The following SYTL5 variants were observed in gnomAD, a reference collection of about 807,000 sequenced individuals.
SYTL5 encodes the protein synaptotagmin like 5.
SYTL5 carries 34 observed loss-of-function variants against 55.9 expected under a neutral mutation model. That is an observed-to-expected ratio of 0.61 (90% CI 0.46 to 0.81). SYTL5 has a LOEUF of 0.81. Among genes scored for constraint, SYTL5 ranks in the 30% least tolerant of loss-of-function variants. SYTL5 has a pLI of 0.00. For missense variants in SYTL5, 637 were observed against 546.7 expected (o/e 1.17, Z -1.65); for synonymous variants, 221 against 188.7 (o/e 1.17, Z -1.40).
chrX:38,028,687 T>C (rs983796398), intron 1 of SYTL5, among the ~76,000 whole-genome samples: 18 of 112,019 alleles, frequency 1.6e-4, no homozygotes, highest in Non-Finnish European at 3.0e-4. Context: ...TTTCAGCTTT[T>C]CATGAGAGTC....
the SYTL5 span, among the ~76,000 whole-genome samples, chrX:37,958,043 T>C: frequency 9.0e-6 from 1 of 110,638 alleles, no homozygotes; most frequent in African/African-American, 3.3e-5. Context: ...ACCTCGGATC[T>C]ACTAAAAATA....
chrX:37,996,006 G>A, the SYTL5 span, among the ~76,000 whole-genome samples: 4 of 111,626 alleles, frequency 3.6e-5, no homozygotes, highest in East Asian at 8.5e-4. Flanking sequence ...CAACACTAAC[G>A]GTCACTCTGA....
At chrX:37,983,273 GTGT>G in the SYTL5 span, among the ~76,000 whole-genome samples, 1 of 112,115 alleles carries the variant, frequency 8.9e-6, no homozygotes, top group East Asian at 2.8e-4. Flanking sequence ...GATCCAACGT[GTGT>G]TGTCTATAGA....
chrX:38,044,871 T>C (rs933408033), intron 2 of SYTL5, among the ~76,000 whole-genome samples: 1 of 112,030 alleles, frequency 8.9e-6, no homozygotes, highest in African/African-American at 3.2e-5. Flanking sequence ...GATAGTTCCA[T>C]GTGGGAGACT....
chrX:37,975,539 T>A, the SYTL5 span, among the ~76,000 whole-genome samples: 1 of 111,908 alleles, frequency 8.9e-6, no homozygotes, highest in Non-Finnish European at 1.9e-5. Context: ...TGTATATTGG[T>A]TGCCATGATT....
In SYTL5 at chrX:38,127,919, C is replaced by T. The variant is rs1293411438; in HGVS notation, c.*1189C>T. 1.8e-5 allele frequency: 2 copies of T among 111,639 alleles called. No individual in the cohort carries two copies. The highest frequency in any genetic ancestry group is 3.3e-5 in the African/African-American group (1 of 30,661). 9.2% of individuals were successfully genotyped at this position (111,639 alleles called of 1,213,427 possible). A position where few individuals can be genotyped will look rare whatever the true frequency, so the allele number is the denominator to read the frequency against. On this transcript the variant is annotated 3_prime_UTR_variant, in exon 17 of 17. Transcript: ENST00000297875. ...CCCCACTGCTCGGGTACATTTTCAG[C>T]CCCTGGTTGTGTCATGTCTACTGAT... is the stretch of plus-strand genomic sequence containing the variant.
chrX:38,064,087 GTA>G (rs1555927782), intron 3 of SYTL5, among the ~76,000 whole-genome samples: 2 of 106,613 alleles, frequency 1.9e-5, no homozygotes, highest in South Asian at 4.1e-4. Flanking sequence ...GTGTGTGTGT[GTA>G]TGTGTATACT....
chrX:37,957,960 G>A, the SYTL5 span, among the ~76,000 whole-genome samples: 1 of 112,012 alleles, frequency 8.9e-6, no homozygotes, highest in Admixed American at 9.4e-5. Context: ...TGTAATCCCA[G>A]CACTTTGGGA....
chrX:38,126,491 C>T lies in SYTL5; in HGVS notation c.2051-97C>T, dbSNP rs1439381525. 3 of 893,594 alleles carry T rather than the reference C, an allele frequency of 3.4e-6. No individual in the cohort carries two copies. The African/African-American group carries it at 5.9e-5, about 18-fold the overall frequency. The allele number at this position is 893,594 out of a possible 1,213,427, so 73.6% of individuals were successfully genotyped here. ...AGTGAGAACAAGCCAGTAAAAGGTACTCTGGTGAAAAGGCCTGCTCAGAAG... is the reference window on the plus strand; with the variant it reads ...AGTGAGAACAAGCCAGTAAAAGGTATTCTGGTGAAAAGGCCTGCTCAGAAG... On this transcript the variant is annotated intron_variant, in intron 16 of 16. Transcript: ENST00000297875.
chrX:38,037,787 C>CCGA (rs1935148294), intron 2 of SYTL5, among the ~76,000 whole-genome samples: 1 of 77,401 alleles, frequency 1.3e-5, no homozygotes, highest in East Asian at 4.0e-4. Flanking sequence ...AAACATTTTT[C>CCGA]TGATAGATAG....
chrX:37,918,083 G>C, the SYTL5 span, among the ~76,000 whole-genome samples: 2 of 111,354 alleles, frequency 1.8e-5, no homozygotes, highest in Non-Finnish European at 3.8e-5. Context: ...GTATTAGGTG[G>C]TATGATTTTT....
the SYTL5 span, among the ~76,000 whole-genome samples, chrX:37,898,128 G>A: frequency 5.4e-5 from 6 of 111,809 alleles, no homozygotes; most frequent in East Asian, 1.7e-3. Context: ...TCTGGCAAGG[G>A]CCTTCTTCCT....
the SYTL5 span, among the ~76,000 whole-genome samples, chrX:37,963,477 A>G: frequency 9.0e-6 from 1 of 110,582 alleles, no homozygotes; most frequent in Non-Finnish European, 1.9e-5. Flanking sequence ...TTTAGTAGAG[A>G]CGGGGTTTCA....
chrX:38,028,018 G>T (rs1934835649), intron 1 of SYTL5, among the ~76,000 whole-genome samples: 1 of 110,294 alleles, frequency 9.1e-6, no homozygotes, highest in African/African-American at 3.3e-5. Flanking sequence ...AGAGATGGGG[G>T]TTTCACTATG....
At chrX:37,902,645 A>G in the SYTL5 span, among the ~76,000 whole-genome samples, 1 of 111,535 alleles carries the variant, frequency 9.0e-6, no homozygotes, top group African/African-American at 3.3e-5. Context: ...AAAGGTATTT[A>G]TATTTATGTT....
the SYTL5 span, among the ~76,000 whole-genome samples, chrX:37,928,356 A>C: frequency 1.3e-4 from 15 of 111,576 alleles, no homozygotes; most frequent in African/African-American, 4.9e-4. Context: ...ATACCCTCAC[A>C]CCGGGGGTCA....
chrX:37,949,510 A>G, the SYTL5 span: 2 of 112,101 alleles, frequency 1.8e-5, no homozygotes, highest in Non-Finnish European at 1.9e-5. Flanking sequence ...TAAATCTGGA[A>G]AGAGTAAGCT....
intron 10 of SYTL5, chrX:38,103,092 G>A (rs1937122149): frequency 6.1e-6 from 7 of 1,147,241 alleles, no homozygotes; most frequent in Non-Finnish European, 8.2e-6. Flanking sequence ...CTCAGACACT[G>A]TGAGTTTTCA....
At chrX:38,065,628 C>T (rs1936077291) in intron 3 of SYTL5, among the ~76,000 whole-genome samples, 1 of 111,836 alleles carries the variant, frequency 8.9e-6, no homozygotes, top group African/African-American at 3.3e-5. Context: ...GTCTGTAGTG[C>T]TCTATAGTTT....
Sources: gnomAD v4.1 joint callset for allele counts (sites outside exome capture counted in the v4.1 genomes callset) on GRCh38, gnomAD v4.1.1 for gene constraint, MANE v1.5 for transcripts, NCBI Gene and HGNC (gene_info 2026-07-23, HGNC 2026-07-21) for gene names.